The following AIG1 variants were observed in gnomAD, a reference collection of about 807,000 sequenced individuals.
AIG1 encodes androgen induced 1.
Under a neutral mutation model 31.4 loss-of-function variants are expected in AIG1, and 23 were observed. The observed-to-expected ratio is 0.73, with a 90% CI of 0.53 to 1.04. AIG1 has a LOEUF of 1.04. Ranked by LOEUF, AIG1 falls within the 50% of genes least tolerant of loss-of-function variation. AIG1 has a pLI of 0.00. For synonymous variants in AIG1, 100 were observed against 110.5 expected (o/e 0.90, Z 0.60); for missense variants, 274 against 295.0 (o/e 0.93, Z 0.52).
intron 3 of AIG1, among the ~76,000 whole-genome samples, chr6:143,262,849 G>T (rs1301424850): frequency 6.6e-6 from 1 of 152,136 alleles, no homozygotes; most frequent in Admixed American, 6.5e-5. Context: ...TGCCAAAATG[G>T]TGGTCAGTTT....
Position 143,293,713 on chromosome 6 carries a change from C to A in AIG1, c.515+9488C>A, listed in dbSNP as rs781565222. On this transcript the variant is annotated intron_variant, in intron 4 of 5. Transcript: ENST00000357847. This position sits in a 1 kb window ranked among gnomAD's most constrained non-coding sequence, Gnocchi z 4.8. ...TGGGAGTACATGAAGAACTAGAATT[C>A]CCCATGTGCTATTAACCTTGCCCCA... is the stretch of plus-strand genomic sequence containing the variant. Among the ~76,000 whole-genome samples, 7 of 152,166 alleles carry A rather than the reference C, an allele frequency of 4.6e-5. No individual in the cohort carries two copies. The highest frequency in any genetic ancestry group is 8.8e-5 in the Non-Finnish European group (6 of 68,024).
intron 1 of AIG1, among the ~76,000 whole-genome samples, chr6:143,104,463 G>T (rs1329880578): frequency 6.6e-6 from 1 of 152,212 alleles, no homozygotes; most frequent in African/African-American, 2.4e-5. Flanking sequence ...TATAGTGGTT[G>T]TTTGTCCCAA....
intron 1 of AIG1, among the ~76,000 whole-genome samples, chr6:143,107,533 C>T (rs1193831377): frequency 6.6e-6 from 1 of 151,968 alleles, no homozygotes; most frequent in Non-Finnish European, 1.5e-5. Context: ...TAGAATAAAG[C>T]TTCCTTCATA....
chr6:143,118,315 C>T (rs796659280), intron 1 of AIG1, among the ~76,000 whole-genome samples: 5 of 152,112 alleles, frequency 3.3e-5, no homozygotes, highest in African/African-American at 9.6e-5. Context: ...AAAAATTAGC[C>T]GAGTCTGGTG....
chr6:143,081,594 C>T (rs1583101548), intron 1 of AIG1, among the ~76,000 whole-genome samples: 2 of 151,906 alleles, frequency 1.3e-5, no homozygotes, highest in South Asian at 4.2e-4. Flanking sequence ...CTTTGGCACA[C>T]TTCACAGGCC....
Position 143,279,313 on chromosome 6 carries a change from T to C in AIG1, c.400-4797T>C, listed in dbSNP as rs192597576. ...CTCTTCAGGAGAAGCACTAATTTAA[T>C]CCAACTGCCTCATTTTACAAAGAAT... On this transcript the variant is annotated intron_variant, in intron 3 of 5. Transcript: ENST00000357847. The surrounding 1 kb of genome is among the most constrained non-coding windows in gnomAD (Gnocchi z 5.4). Among the ~76,000 whole-genome samples, 325 of 152,280 alleles carry C rather than the reference T, an allele frequency of 2.1e-3. 4 individuals are homozygous for C. Among genetic ancestry groups the C allele is most frequent in the Non-Finnish European group, 3.9e-3 (268 of 68,010 alleles).
At chr6:143,190,239 C>G (rs901453209) in intron 3 of AIG1, 1 of 985,322 alleles carries the variant, frequency 1.0e-6, no homozygotes, top group African/African-American at 1.7e-5. Context: ...ATAAGGAACA[C>G]CATGACTTCT....
intron 3 of AIG1, among the ~76,000 whole-genome samples, chr6:143,253,109 T>C (rs1251023086): frequency 6.6e-6 from 1 of 152,256 alleles, no homozygotes; most frequent in Non-Finnish European, 1.5e-5. Flanking sequence ...CACAATGTTC[T>C]GTAGGTTAGA....
chr6:143,245,278 A>G (rs938803676), intron 3 of AIG1, among the ~76,000 whole-genome samples: 1 of 152,210 alleles, frequency 6.6e-6, no homozygotes, highest in African/African-American at 2.4e-5. Context: ...AGTTTATTTC[A>G]GTGGAAAGTC....
chr6:143,121,597 G>A (rs1250546737), intron 1 of AIG1, among the ~76,000 whole-genome samples: 1 of 152,160 alleles, frequency 6.6e-6, no homozygotes, highest in South Asian at 2.1e-4. Context: ...TTTGCTAGGA[G>A]CAATTCCAGT....
chr6:143,172,661 T>C (rs1787750401), intron 3 of AIG1, among the ~76,000 whole-genome samples: 1 of 152,216 alleles, frequency 6.6e-6, no homozygotes, highest in Non-Finnish European at 1.5e-5. Flanking sequence ...CTTCTTTGAA[T>C]GGCTGATAGA....
intron 4 of AIG1, among the ~76,000 whole-genome samples, chr6:143,316,173 C>T (rs909547340): frequency 3.9e-5 from 6 of 151,940 alleles, no homozygotes; most frequent in Non-Finnish European, 7.4e-5. Context: ...ATTTAGGGAA[C>T]CCAAGAAAAA....
chr6:143,062,315 C>T (rs948270350), intron 1 of AIG1, among the ~76,000 whole-genome samples: 20 of 152,150 alleles, frequency 1.3e-4, no homozygotes, highest in African/African-American at 4.3e-4. Context: ...TAGAATGTTG[C>T]AAGGGTTTTA....
chr6:143,309,278 T>C (rs186338098), intron 4 of AIG1, among the ~76,000 whole-genome samples: 1 of 151,748 alleles, frequency 6.6e-6, no homozygotes, highest in East Asian at 1.9e-4. Context: ...AGAATAAATA[T>C]TAAAAGATGT....
At chr6:143,201,816 A>G (rs1391201355) in intron 3 of AIG1, among the ~76,000 whole-genome samples, 1 of 152,204 alleles carries the variant, frequency 6.6e-6, no homozygotes, top group African/African-American at 2.4e-5. Context: ...GGAAAGGCAC[A>G]ATGATTTGGT....
rs543654115 is a variant in AIG1, at chr6:143,160,837, C to T, written c.298-4245C>T. 2.0e-5 allele frequency among the ~76,000 whole-genome samples: 3 copies of T among 152,184 alleles called. No individual in the cohort carries two copies. The South Asian group carries it at 6.2e-4, about 32-fold the overall frequency. ...TTACTCAGTTAGCTGGGCCTCCTGA[C>T]CTTCTAGTATTACACTTAGAAAGGT... On this transcript the variant is annotated intron_variant, in intron 2 of 5. Coordinates refer to ENST00000357847, the MANE Select transcript of AIG1 (RefSeq NM_016108.4).
intron 3 of AIG1, among the ~76,000 whole-genome samples, chr6:143,255,719 A>AT (rs1795334332): frequency 6.6e-6 from 1 of 152,026 alleles, no homozygotes; most frequent in Admixed American, 6.6e-5. Context: ...GCCTATATGG[A>AT]TTTTTCTGGA....
At chr6:143,206,881 A>C (rs1427902844) in intron 3 of AIG1, among the ~76,000 whole-genome samples, 3 of 152,178 alleles carry the variant, frequency 2.0e-5, no homozygotes, top group Non-Finnish European at 4.4e-5. Context: ...TGATTATAAT[A>C]ATATGCCTTC....
At chr6:143,065,590 T>C (rs886613665) in intron 1 of AIG1, among the ~76,000 whole-genome samples, 4 of 152,140 alleles carry the variant, frequency 2.6e-5, no homozygotes. Flanking sequence ...AAAAGGCAAA[T>C]GTATTTTGAG....
Sources: gnomAD v4.1 joint callset for allele counts (sites outside exome capture counted in the v4.1 genomes callset) on GRCh38, gnomAD v4.1.1 for gene constraint, Gnocchi (gnomAD v3.1) non-coding constraint, MANE v1.5 for transcripts, NCBI Gene and HGNC (gene_info 2026-07-23, HGNC 2026-07-21) for gene names.